TMEM168: variants seen among roughly 807,000 people sequenced by gnomAD.
The protein encoded by TMEM168 is transmembrane protein 168.
Under a neutral mutation model 53.2 loss-of-function variants are expected in TMEM168, and 40 were observed. That is an observed-to-expected ratio of 0.75 (90% confidence interval 0.58 to 0.98). TMEM168 has a LOEUF of 0.98. Among genes scored for constraint, TMEM168 ranks in the 50% least tolerant of loss-of-function variants. The pLI is 0.00. For missense variants in TMEM168, 771 were observed against 828.8 expected, an observed-to-expected ratio of 0.93 and a Z score of 0.86; for synonymous variants, 282 against 293.0, an observed-to-expected ratio of 0.96 and a Z score of 0.38.
intron 2 of TMEM168, among the ~76,000 whole-genome samples, chr7:112,778,869 A>G (rs1793158255): frequency 6.6e-6 from 1 of 152,168 alleles, no homozygotes; most frequent in Non-Finnish European, 1.5e-5. Flanking sequence ...CTTGCTTTTT[A>G]TATTAAAAAA....
At chr7:112,769,404 G>A (rs1193041432) in intron 4 of TMEM168, among the ~76,000 whole-genome samples, 1 of 152,098 alleles carries the variant, frequency 6.6e-6, no homozygotes, top group African/African-American at 2.4e-5. Flanking sequence ...TTTCTCTAGA[G>A]ATCAGAAGAT....
intron 3 of TMEM168, among the ~76,000 whole-genome samples, chr7:112,774,938 T>C (rs1014385223): frequency 1.1e-4 from 16 of 152,166 alleles, no homozygotes; most frequent in African/African-American, 3.9e-4. Flanking sequence ...CTTAGAAAAG[T>C]TATTCATGAA....
rs898705892 is a variant in TMEM168, at chr7:112,763,092, C to G, written c.*4105G>C. On this transcript the variant is annotated 3_prime_UTR_variant, in exon 5 of 5. Transcript: ENST00000312814. ...ATAGTGAGGAAATGAATGATTCAATCTTAATGATATTAGAGTCATGATGGA... is the reference window on the plus strand; with the variant it reads ...ATAGTGAGGAAATGAATGATTCAATGTTAATGATATTAGAGTCATGATGGA... The G allele has an allele frequency of 6.6e-6, 1 of 151,974 alleles. No homozygotes were observed. The highest frequency in any genetic ancestry group is 2.4e-5 in the African/African-American group (1 of 41,410). The allele number at this position is 151,974 out of a possible 1,614,324, so 9.4% of individuals were successfully genotyped here.
intron 2 of TMEM168, among the ~76,000 whole-genome samples, chr7:112,779,710 A>G (rs1349666958): frequency 6.6e-6 from 1 of 152,234 alleles, no homozygotes; most frequent in Non-Finnish European, 1.5e-5. Context: ...ACTAGTTATT[A>G]GATCTCTATT....
At chr7:112,787,226 GC>G (rs1222767349) in intron 1 of TMEM168, among the ~76,000 whole-genome samples, 1 of 152,186 alleles carries the variant, frequency 6.6e-6, no homozygotes. Flanking sequence ...CCTTTTGACA[GC>G]TGGTATTTAG....
chr7:112,776,479 T>C (rs1793087586), intron 2 of TMEM168, among the ~76,000 whole-genome samples: 1 of 152,080 alleles, frequency 6.6e-6, no homozygotes, highest in Admixed American at 6.5e-5. Flanking sequence ...CACATACTTT[T>C]AACACTAAGG....
At position 112,772,959 on chromosome 7, in the gene TMEM168, T is replaced by A. The variant is rs1222992600; in HGVS notation, c.1368A>T (p.Ala456=). 1 of 1,614,104 alleles carries A rather than the reference T, an allele frequency of 6.2e-7. No individual in the cohort carries two copies. The highest frequency in any genetic ancestry group is 8.5e-7 in the Non-Finnish European group (1 of 1,179,972). The change falls in exon 4 of 5, where the codon GCA becomes GCT. Residue 456 remains alanine (A), a synonymous_variant. Coordinates refer to ENST00000312814, the MANE Select transcript of TMEM168 (RefSeq NM_022484.6). The part of the protein sequence containing the change: ...GMLNAIQRFF[A]YHMIETYGCD... ...ATCCATAGGTCTCAATCATATGATA[T>A]GCAAAAAATCTTTGGATAGCATTGA...
rs370681806 is a variant in TMEM168 at position 112,762,451 on chromosome 7, G to A, written c.*4746C>T. 120 of 152,104 alleles carry A rather than the reference G, an allele frequency of 7.9e-4. No homozygotes were observed. The highest frequency in any genetic ancestry group is 2.7e-3 in the African/African-American group (112 of 41,550). The allele number at this position is 152,104 out of a possible 1,614,324, so 9.4% of individuals were successfully genotyped here. A position where few individuals can be genotyped will look rare whatever the true frequency, so the allele number is the denominator to read the frequency against. ...AACTTAGAAAAGTTTACTTGGCATT[G>A]AGTGAACACTGCTTGTCTAGGAAGC... On this transcript the variant is annotated 3_prime_UTR_variant, in exon 5 of 5. Transcript: ENST00000312814.
At chr7:112,785,146 G>A (rs1348612325) in intron 1 of TMEM168, among the ~76,000 whole-genome samples, 193 bp from the exon 2 acceptor site, 1 of 152,194 alleles carries the variant, frequency 6.6e-6, no homozygotes, top group Non-Finnish European at 1.5e-5. Context: ...ACATGGCTGT[G>A]CTTTCTACTC....
Position 112,784,294 on chromosome 7 carries a change from G to A in TMEM168, c.532C>T (p.Leu178=). The A allele has an allele frequency of 3.1e-6, 5 of 1,614,114 alleles. No individual in the cohort carries two copies. The highest frequency in any genetic ancestry group is 4.2e-6 in the Non-Finnish European group (5 of 1,180,010). Residue 178 remains leucine, a synonymous_variant, in exon 2 of 5, where the codon CTG becomes TTG. Transcript: ENST00000312814. ...GCTACAACAAGCAAAATGACACTCA[G>A]AGACTTCTCCACCAACATAGTTGTG... ...ASTTMLVEKS[L]SVILLVVALA...
chr7:112,775,362 G>GTGCATGCA, intron 2 of TMEM168, 44 bp from the exon 3 acceptor site: 1 of 1,521,092 alleles, frequency 6.6e-7, no homozygotes, highest in Non-Finnish European at 9.0e-7. Flanking sequence ...ATGTACATAT[G>GTGCATGCA]TGTATATATT....
chr7:112,774,359 ATTTTTTTTTT>A (rs558123531), intron 3 of TMEM168, among the ~76,000 whole-genome samples: 2 of 94,254 alleles, frequency 2.1e-5, no homozygotes, highest in Non-Finnish European at 4.4e-5. Flanking sequence ...GTGTTTTTAC[ATTTTTTTTTT>A]TTTTTTTTTT....
At chr7:112,786,397 TA>T (rs1429199295) in intron 1 of TMEM168, among the ~76,000 whole-genome samples, 1 of 152,208 alleles carries the variant, frequency 6.6e-6, no homozygotes, top group East Asian at 1.9e-4. Context: ...ATTTTGCTTT[TA>T]TACGTTCAAC....
rs1455756767 is a variant in TMEM168, at chr7:112,764,290, G to GA, written c.*2906dup. On this transcript the variant is annotated 3_prime_UTR_variant, in exon 5 of 5. Transcript: ENST00000312814. Reference sequence around the variant, plus strand: ...AACAAATACTAAACAAAGTTATGTTGAAAAAATCTCCATGTTACCTCTTTT... The same window carrying GA: ...AACAAATACTAAACAAAGTTATGTTGAAAAAAATCTCCATGTTACCTCTTTT... The GA allele has an allele frequency of 6.6e-5, 10 of 151,836 alleles. No individual in the cohort carries two copies. The highest frequency in any genetic ancestry group is 2.1e-4 in the South Asian group (1 of 4,808). 9.4% of individuals were successfully genotyped at this position (151,836 alleles called of 1,614,324 possible).
At chr7:112,773,167 AT>A (rs1239322713) in intron 3 of TMEM168, 112 bp from the exon 4 acceptor site, 1 of 1,177,822 alleles carries the variant, frequency 8.5e-7, no homozygotes, top group East Asian at 2.6e-5. Context: ...AAGTGGCAGG[AT>A]TTTTGTAAAA....
chr7:112,773,235 C>G (rs778136420), intron 3 of TMEM168, among the ~76,000 whole-genome samples, 180 bp from the exon 4 acceptor site: 26 of 151,976 alleles, frequency 1.7e-4, no homozygotes, highest in Non-Finnish European at 3.4e-4. Context: ...AAATCAAAAC[C>G]TGGTTTCTAA....
intron 4 of TMEM168, among the ~76,000 whole-genome samples, chr7:112,770,465 CA>C (rs1225620819): frequency 6.6e-6 from 1 of 151,830 alleles, no homozygotes; most frequent in African/African-American, 2.4e-5. Flanking sequence ...TAGCATACTT[CA>C]AAAAAATTAT....
chr7:112,789,880 G>A (rs968025306), intron 1 of TMEM168, among the ~76,000 whole-genome samples: 2 of 152,344 alleles, frequency 1.3e-5, no homozygotes, highest in Non-Finnish European at 1.5e-5. Flanking sequence ...AGCGAGATGT[G>A]GGAGGTCCGA....
At chr7:112,778,422 G>C (rs996928787) in intron 2 of TMEM168, 24 of 152,038 alleles carry the variant, frequency 1.6e-4, no homozygotes, top group Non-Finnish European at 3.4e-4. Context: ...CCTACATTGA[G>C]GTTTGTAGTA....
Sources: allele counts gnomAD v4.1 joint callset (sites outside exome capture counted in the v4.1 genomes callset), GRCh38; gene constraint gnomAD v4.1.1; transcripts MANE v1.5; gene names NCBI Gene and HGNC (gene_info 2026-07-23, HGNC 2026-07-21).